PCDHA10: variants seen among roughly 807,000 people sequenced by gnomAD.
PCDHA10 encodes the protein protocadherin alpha 10.
PCDHA10 carries 45 observed loss-of-function variants against 61.2 expected under a neutral mutation model. The ratio of observed to expected loss-of-function variants is 0.74; its 90% CI spans 0.58 to 0.94. The LOEUF (loss-of-function observed/expected upper bound fraction) is 0.94, where lower values mean the gene tolerates loss of function less well. PCDHA10 is among the 40% of genes least tolerant of loss of function. PCDHA10 has a pLI of 0.00. For missense variants in PCDHA10, 1,278 were observed against 1,236.2 expected (o/e 1.03, Z -0.51); for synonymous variants, 602 against 548.8 (o/e 1.10, Z -1.35).
At position 140,857,387 on chromosome 5, in the gene PCDHA10, G is replaced by C. The variant is rs369919324; in HGVS notation, c.1339G>C (p.Val447Leu). 21 of 1,598,586 alleles carry C rather than the reference G, an allele frequency of 1.3e-5. 1 individual carries two copies. The Admixed American group carries it at 3.5e-4, about 27-fold the overall frequency. Residue 447 changes from valine (V) to leucine (L), a missense_variant, in exon 1 of 4, where the codon GTG (valine) becomes CTG (leucine). By Grantham distance (32) the Val-to-Leu change is conservative. Coordinates refer to ENST00000307360, the MANE Select transcript of PCDHA10 (RefSeq NM_018901.4). Reference protein sequence around the residue: ...TASVSVEVADVNDNAPAFAQS... With the variant: ...TASVSVEVADLNDNAPAFAQS... The stretch of plus-strand genomic sequence containing the variant: ...CAGCGTGTCTGTGGAGGTGGCCGAC[G>C]TGAACGACAACGCGCCTGCGTTCGC...
chr5:140,865,392 A>G (rs1554159412), intron 1 of PCDHA10: 1 of 152,244 alleles, frequency 6.6e-6, no homozygotes, highest in Non-Finnish European at 1.5e-5. Context: ...TAAAGTTAAT[A>G]TAAATGCTGA....
chr5:140,922,477 C>T (rs1233589980), intron 1 of PCDHA10, among the ~76,000 whole-genome samples: 2 of 152,124 alleles, frequency 1.3e-5, no homozygotes, highest in African/African-American at 2.4e-5. Context: ...GGAGAGAAGG[C>T]AGGACTAAAT....
At chr5:140,967,321 C>T (rs985147302) in intron 1 of PCDHA10, 12 of 1,609,430 alleles carry the variant, frequency 7.5e-6, no homozygotes, top group Non-Finnish European at 1.0e-5. Context: ...TACAGACCTA[C>T]GAGCTCAGCC....
rs782166832 is a variant in PCDHA10, at chr5:140,882,300, C to G, written c.2388+23864C>G. 1.4e-5 allele frequency: 22 copies of G among 1,613,604 alleles called. No individual in the cohort carries two copies. The East Asian group carries it at 4.5e-4, about 33-fold the overall frequency. The stretch of plus-strand genomic sequence containing the variant: ...TCTTCCTGGCAAGGAGGCCCAAGAC[C>G]GCGGCAACTACTGCTCTGGCTTCTG... On this transcript the variant is annotated intron_variant, in intron 1 of 3. Coordinates refer to ENST00000307360, the MANE Select transcript of PCDHA10 (RefSeq NM_018901.4).
At chr5:140,884,049 TGC>T (rs1554181152) in intron 1 of PCDHA10, 1 of 1,613,414 alleles carries the variant, frequency 6.2e-7, no homozygotes. Context: ...GTGGCGAAGG[TGC>T]GCGCGGTGGA....
intron 1 of PCDHA10, among the ~76,000 whole-genome samples, chr5:140,943,236 TCA>T (rs1454947972): frequency 5.6e-5 from 7 of 124,930 alleles, no homozygotes; most frequent in African/African-American, 1.9e-4. Flanking sequence ...CCAGCCTGGG[TCA>T]CAGAGTGAGA....
chr5:140,868,134 T>C (rs1562613374), intron 1 of PCDHA10: 1 of 152,142 alleles, frequency 6.6e-6, no homozygotes, highest in Admixed American at 6.5e-5. Context: ...ATTTCTGTCA[T>C]ATCATTGATT....
intron 1 of PCDHA10, chr5:140,927,650 TC>T (rs2084465821): frequency 6.2e-7 from 1 of 1,614,080 alleles, no homozygotes; most frequent in Admixed American, 1.7e-5. Flanking sequence ...ACTGTGTTAT[TC>T]CGAGTTCAAG....
intron 3 of PCDHA10, among the ~76,000 whole-genome samples, chr5:141,001,985 G>A (rs536683790): frequency 6.6e-5 from 10 of 152,194 alleles, no homozygotes; most frequent in Non-Finnish European, 1.5e-4. Flanking sequence ...GGAAAGCCTG[G>A]AAGTTCACTT....
chr5:140,907,885 A>C (rs1554193167), intron 1 of PCDHA10, among the ~76,000 whole-genome samples: 1 of 152,210 alleles, frequency 6.6e-6, no homozygotes, highest in Admixed American at 6.5e-5. Flanking sequence ...CTCACATGGG[A>C]TACAAATATC....
chr5:140,881,099 C>G (rs1554171750), intron 1 of PCDHA10, among the ~76,000 whole-genome samples: 1 of 152,108 alleles, frequency 6.6e-6, no homozygotes, highest in East Asian at 1.9e-4. Flanking sequence ...TTCATTACAC[C>G]ATTTGGCCTG....
rs1044921765 is a variant in PCDHA10, at chr5:140,857,484, G to C, written c.1436G>C (p.Trp479Ser). The C allele has an allele frequency of 6.3e-7, 1 of 1,598,418 alleles. No individual in the cohort carries two copies. Among genetic ancestry groups the C allele is most frequent in the African/African-American group, 1.3e-5 (1 of 74,454 alleles). ...TGCCACATCTTCACGGTGTCTGCGT[G>C]GGACGCGGACGCGCAGGAGAACGCC... The part of the protein sequence containing the change: ...PGCHIFTVSA[W>S]DADAQENALV... Residue 479 changes from tryptophan (W) to serine (S), a missense_variant, in exon 1 of 4, where the codon TGG (tryptophan) becomes TCG (serine). Trp to Ser is a radical substitution (Grantham distance 177). Transcript: ENST00000307360.
chr5:140,877,049 A>G (rs1554169270), intron 1 of PCDHA10: 4 of 1,612,684 alleles, frequency 2.5e-6, no homozygotes, highest in Middle Eastern at 3.9e-4. Context: ...CTAGACCACG[A>G]GGAGCTGGAG....
intron 1 of PCDHA10, among the ~76,000 whole-genome samples, chr5:140,909,265 G>A (rs1289313376): frequency 3.3e-5 from 5 of 152,192 alleles, no homozygotes; most frequent in Non-Finnish European, 7.3e-5. Flanking sequence ...CTGACTGAAG[G>A]CAAATTGCTT....
intron 1 of PCDHA10, chr5:140,877,293 G>C (rs782717737): frequency 1.2e-6 from 2 of 1,613,936 alleles, no homozygotes; most frequent in Non-Finnish European, 1.7e-6. Context: ...ACGCTTGGCT[G>C]TCCTACGAGT....
chr5:140,962,329 T>A (rs1341757607), intron 1 of PCDHA10, among the ~76,000 whole-genome samples: 1 of 152,250 alleles, frequency 6.6e-6, no homozygotes, highest in Non-Finnish European at 1.5e-5. Context: ...TTGAGAATAC[T>A]GATAAAGAAG....
chr5:140,992,097 A>G (rs1466699064), intron 3 of PCDHA10, among the ~76,000 whole-genome samples: 7 of 151,212 alleles, frequency 4.6e-5, no homozygotes, highest in Non-Finnish European at 1.0e-4. Flanking sequence ...GAGAAAGAGA[A>G]TTAAGGTGAG....
chr5:140,858,727 G>A (rs2045572985), intron 1 of PCDHA10: 2 of 482,238 alleles, frequency 4.1e-6, no homozygotes, highest in Non-Finnish European at 3.7e-6. Context: ...CAGTTCTGAC[G>A]ATTTACTTTC....
intron 1 of PCDHA10, among the ~76,000 whole-genome samples, chr5:140,905,301 C>T (rs1476283859): frequency 6.6e-6 from 1 of 152,182 alleles, no homozygotes; most frequent in Admixed American, 6.5e-5. Context: ...GGTGTCCTTT[C>T]CACACTTTGT....
Sources: allele counts gnomAD v4.1 joint callset (sites outside exome capture counted in the v4.1 genomes callset), GRCh38; gene constraint gnomAD v4.1.1; transcripts MANE v1.5; gene names NCBI Gene and HGNC (gene_info 2026-07-23, HGNC 2026-07-21).